INSL6: variants seen among roughly 807,000 people sequenced by gnomAD.
INSL6 encodes the protein insulin like 6, also known as insulin-like peptide INSL6.
INSL6 carries 16 observed loss-of-function variants against 9.4 expected under a neutral mutation model. The observed-to-expected ratio is 1.70, with a 90% CI of 1.15 to 2.59. The LOEUF is 2.59. Among genes scored for constraint, INSL6 ranks in the 30% most tolerant of loss-of-function variants. The pLI is 0.00. For missense variants in INSL6, 391 were observed against 257.3 expected (o/e 1.52, Z -3.56); for synonymous variants, 154 against 96.9 (o/e 1.59, Z -3.46).
downstream of INSL6, among the ~76,000 whole-genome samples, chr9:5,162,797 T>C (rs567804684): frequency 4.9e-4 from 74 of 152,202 alleles, no homozygotes; most frequent in African/African-American, 1.6e-3. Flanking sequence ...CAAAGCCAAA[T>C]AGAAATAAAA....
At chr9:5,118,139 C>T in the INSL6 span, among the ~76,000 whole-genome samples, 6 of 152,072 alleles carry the variant, frequency 3.9e-5, no homozygotes, top group Non-Finnish European at 4.4e-5. Flanking sequence ...CCAGCCTGGG[C>T]GACAGAGCGA....
At chr9:5,094,165 AAC>A in the INSL6 span, 1 of 152,162 alleles carries the variant, frequency 6.6e-6, no homozygotes, top group Admixed American at 6.5e-5. Context: ...CCTTACACTT[AAC>A]AGTTACGCAA....
chr9:5,185,622 T>A lies in INSL6; in HGVS notation c.-20A>T, dbSNP rs748904160. ...CGGCATCCCTGTGACCCCAGGCTAG[T>A]CCTCCGCGTTGTGCAATGGCGGTCG... is the stretch of plus-strand genomic sequence containing the variant. On this transcript the variant is annotated 5_prime_UTR_variant, in exon 1 of 2. Coordinates refer to ENST00000381641, the MANE Select transcript of INSL6 (RefSeq NM_007179.3). The A allele has an allele frequency of 6.2e-7, 1 of 1,602,698 alleles. No individual in the cohort carries two copies. The highest frequency in any genetic ancestry group is 8.5e-7 in the Non-Finnish European group (1 of 1,176,022).
intron 2 of INSL6, among the ~76,000 whole-genome samples, chr9:5,139,146 C>G (rs1179231436): frequency 6.6e-6 from 1 of 152,068 alleles, no homozygotes; most frequent in Non-Finnish European, 1.5e-5. Context: ...GAAATTTACC[C>G]AGAAGACAAT....
At chr9:5,025,079 T>A in the INSL6 span, among the ~76,000 whole-genome samples, 4 of 152,350 alleles carry the variant, frequency 2.6e-5, no homozygotes, top group African/African-American at 7.2e-5. Context: ...ATCTGATTGC[T>A]GCATATCTTT....
the INSL6 span, chr9:5,040,852 C>G: frequency 4.5e-6 from 1 of 220,008 alleles, no homozygotes; most frequent in Non-Finnish European, 9.2e-6. Flanking sequence ...CCAGCGCGAG[C>G]AGGAGAGGGG....
chr9:5,115,770 A>T, the INSL6 span, among the ~76,000 whole-genome samples: 1 of 152,236 alleles, frequency 6.6e-6, no homozygotes, highest in African/African-American at 2.4e-5. Context: ...AGGGACAAAG[A>T]TGAAGCTAGA....
the INSL6 span, among the ~76,000 whole-genome samples, chr9:5,118,236 TA>T: frequency 1.3e-5 from 2 of 152,222 alleles, no homozygotes; most frequent in African/African-American, 4.8e-5. Context: ...AATAGACTTT[TA>T]TTTTTTTGTA....
At chr9:5,090,904 A>G in the INSL6 span, 1 of 1,599,830 alleles carries the variant, frequency 6.3e-7, no homozygotes, top group Non-Finnish European at 8.5e-7. Flanking sequence ...TGAAAGTCCC[A>G]TATTCTGGTG....
At chr9:5,057,793 G>C in the INSL6 span, among the ~76,000 whole-genome samples, 1 of 151,904 alleles carries the variant, frequency 6.6e-6, no homozygotes, top group Non-Finnish European at 1.5e-5. Flanking sequence ...ATGTTGGCCA[G>C]GTTGGTCTTG....
the INSL6 span, chr9:5,090,354 T>C: frequency 1.1e-6 from 1 of 914,674 alleles, no homozygotes; most frequent in South Asian, 3.8e-5. Flanking sequence ...AGATTTCATA[T>C]ATGTTTAAGT....
chr9:5,080,720 T>G, the INSL6 span: 1 of 1,449,492 alleles, frequency 6.9e-7, no homozygotes, highest in Non-Finnish European at 9.3e-7. Flanking sequence ...TTTCCAGCTT[T>G]CTATCTTTAT....
downstream of INSL6, among the ~76,000 whole-genome samples, chr9:5,123,831 CATTTT>C (rs1698414534): frequency 6.6e-6 from 1 of 151,438 alleles, no homozygotes; most frequent in Non-Finnish European, 1.5e-5. Context: ...TTCTCTCTCT[CATTTT>C]TTTTTCCATT....
the INSL6 span, among the ~76,000 whole-genome samples, chr9:5,033,100 C>T: frequency 6.6e-6 from 1 of 152,130 alleles, no homozygotes; most frequent in Non-Finnish European, 1.5e-5. Flanking sequence ...GTGATGAATG[C>T]ACAAGCCTCA....
downstream of INSL6, among the ~76,000 whole-genome samples, chr9:5,161,669 A>G (rs143777713): frequency 1.9e-3 from 284 of 152,330 alleles, 1 homozygote; most frequent in African/African-American, 6.5e-3. Context: ...AGGTGCTATG[A>G]TCTTATATTT....
intron 1 of INSL6, among the ~76,000 whole-genome samples, chr9:5,182,273 A>G (rs1453128995): frequency 3.3e-5 from 5 of 149,324 alleles, no homozygotes; most frequent in Non-Finnish European, 5.9e-5. Flanking sequence ...AATAAGATAT[A>G]GATCTTAAAT....
chr9:5,163,822 CATCAT>C (rs1444302921), downstream of INSL6: 4 of 816,764 alleles, frequency 4.9e-6, no homozygotes, highest in Middle Eastern at 3.5e-4. Context: ...ACATTTTTCA[CATCAT>C]ATCACTTATA....
chr9:5,099,799 A>G, the INSL6 span: 40 of 152,220 alleles, frequency 2.6e-4, no homozygotes, highest in African/African-American at 9.4e-4. Context: ...CACTGCCTCA[A>G]CCAACCTCCT....
intron 2 of INSL6, among the ~76,000 whole-genome samples, chr9:5,135,897 A>G (rs1391871454): frequency 3.9e-5 from 6 of 152,168 alleles, no homozygotes; most frequent in African/African-American, 1.4e-4. Context: ...TAAACAAGAA[A>G]AGAGAGAAGA....
Sources: allele counts gnomAD v4.1 joint callset (sites outside exome capture counted in the v4.1 genomes callset), GRCh38; gene constraint gnomAD v4.1.1; transcripts MANE v1.5; gene names NCBI Gene and HGNC (gene_info 2026-07-23, HGNC 2026-07-21).